FGF14: variants seen among roughly 807,000 people sequenced by gnomAD.
FGF14 encodes the protein fibroblast growth factor 14.
A neutral mutation model predicts 25.5 loss-of-function variants in FGF14; 5 were observed. The observed-to-expected ratio is 0.20, with a 90% confidence interval of 0.10 to 0.41. The LOEUF (loss-of-function observed/expected upper bound fraction) is 0.41. Ranked by LOEUF, FGF14 falls within the 10% of genes least tolerant of loss-of-function variation. The pLI is 1.00. For synonymous variants in FGF14, 138 were observed against 118.3 expected (o/e 1.17, Z -1.08); for missense variants, 222 against 320.1 (o/e 0.69, Z 2.34).
rs907669170 is a variant in FGF14, at chr13:101,806,470, GA to G, written c.408+62254del. Reference sequence around the variant, plus strand: ...AAAAATATATGTATATGTACATTGAGAAAATTTTTTTTTTTGTTTTCATTCC... The same window carrying G: ...AAAAATATATGTATATGTACATTGAGAAATTTTTTTTTTTGTTTTCATTCC... On this transcript the variant is annotated intron_variant, in intron 3 of 4. Transcript: ENST00000376143. 3.7e-4 allele frequency among the ~76,000 whole-genome samples: 54 copies of G among 147,916 alleles called. 1 individual carries two copies. The highest frequency in any genetic ancestry group is 1.0e-3 in the African/African-American group (41 of 40,312).
Position 101,715,388 on chromosome 13 carries a change from A to T in FGF14, c.*7443T>A. 5.0e-6 allele frequency: 3 copies of T among 600,254 alleles called. No individual in the cohort carries two copies. The highest frequency in any genetic ancestry group is 9.0e-6 in the Non-Finnish European group (3 of 333,806). The allele number at this position is 600,254 out of a possible 1,614,324, so 37.2% of individuals were successfully genotyped here. ...ATAAATGCCACTAATTGTTTGAAAG[A>T]TTAGATGTCTCGCAGCTGCTTAATA... is the stretch of plus-strand genomic sequence containing the variant. On this transcript the variant is annotated 3_prime_UTR_variant, in exon 5 of 5. Coordinates refer to ENST00000376143, the MANE Select transcript of FGF14 (RefSeq NM_004115.4).
chr13:101,727,817 C>T (rs7336528), intron 3 of FGF14, among the ~76,000 whole-genome samples: 1 of 151,872 alleles, frequency 6.6e-6, no homozygotes, highest in African/African-American at 2.4e-5. Context: ...AGGTCCAACA[C>T]TGTGCTATTC....
At chr13:102,342,916 T>C (rs930898100) in intron 1 of FGF14, among the ~76,000 whole-genome samples, 1 of 152,126 alleles carries the variant, frequency 6.6e-6, no homozygotes, top group African/African-American at 2.4e-5. Flanking sequence ...ATATAAGTAT[T>C]TGAGTAAGAA....
intron 3 of FGF14, among the ~76,000 whole-genome samples, chr13:101,748,748 A>T (rs1417666176): frequency 4.4e-4 from 2 of 4,536 alleles, no homozygotes; most frequent in Non-Finnish European, 1.5e-3. Flanking sequence ...GGAGGTTTCT[A>T]AAAAAAAAAA....
chr13:102,017,774 CCTCT>C (rs941725502), intron 1 of FGF14, among the ~76,000 whole-genome samples: 1 of 151,996 alleles, frequency 6.6e-6, no homozygotes, highest in Non-Finnish European at 1.5e-5. Context: ...CTGGATCTAT[CCTCT>C]CTATCTCTTT....
In FGF14 at chr13:102,161,144, A is replaced by G. The variant is rs16959858; in HGVS notation, c.208+240327T>C. 4.1e-3 allele frequency among the ~76,000 whole-genome samples: 622 copies of G among 152,342 alleles called. 7 individuals are homozygous for G. Among genetic ancestry groups the G allele is most frequent in the African/African-American group, 0.013 (549 of 41,582 alleles). On this transcript the variant is annotated intron_variant, in intron 1 of 4. Coordinates refer to the FGF14 transcript ENST00000376131. ...GTTTCTCATAAAATTTACATGGATC[A>G]TTAATGTGAAAATATCTACAATGTA...
chr13:102,201,163 C>T (rs796406629), intron 1 of FGF14, among the ~76,000 whole-genome samples: 1 of 145,796 alleles, frequency 6.9e-6, no homozygotes, highest in South Asian at 2.2e-4. Context: ...TCAAAAGTCT[C>T]CTCAGGAACA....
At position 102,032,222 on chromosome 13, in the gene FGF14, C is replaced by A. The variant is rs185515864; in HGVS notation, c.209-156926G>T. ...ATTACTGAAATGCAACTGCTTTCAG[C>A]CTTTTCTCTCCACTACCCACTAAAT... On this transcript the variant is annotated intron_variant, in intron 1 of 4. Coordinates refer to the FGF14 transcript ENST00000376131. Among the ~76,000 whole-genome samples, 6 of 152,242 alleles carry A rather than the reference C, an allele frequency of 3.9e-5. No individual in the cohort carries two copies. In the East Asian group the frequency reaches 1.2e-3, roughly 30 times the overall value.
intron 1 of FGF14, among the ~76,000 whole-genome samples, chr13:102,355,308 C>T (rs899422214): frequency 1.3e-5 from 2 of 152,072 alleles, no homozygotes; most frequent in South Asian, 4.1e-4. Flanking sequence ...GAAATTTGCA[C>T]AACCATTATA....
At chr13:101,996,215 A>G (rs1332206568) in intron 1 of FGF14, among the ~76,000 whole-genome samples, 1 of 152,240 alleles carries the variant, frequency 6.6e-6, no homozygotes, top group East Asian at 1.9e-4. Flanking sequence ...TGTGTTTTGA[A>G]TAGGTACAAA....
chr13:101,867,934 A>ACG lies in FGF14; in HGVS notation c.408+789_408+790dup, dbSNP rs1403038685. ...CACACACACACACACACACACACACACGCGCACACACACAATATGTGTATA... is the reference window on the plus strand; with the variant it reads ...CACACACACACACACACACACACACACGCGCGCACACACACAATATGTGTATA... On this transcript the variant is annotated intron_variant, in intron 3 of 4. Coordinates refer to ENST00000376143, the MANE Select transcript of FGF14 (RefSeq NM_004115.4). Among the ~76,000 whole-genome samples the ACG allele has an allele frequency of 1.4e-3, 189 of 133,876 alleles. 2 individuals carry two copies. Among genetic ancestry groups the ACG allele is most frequent in the Middle Eastern group, 3.5e-3 (1 of 282 alleles). 87.8% of individuals were successfully genotyped at this position (133,876 alleles called of 152,430 possible). A position where few individuals can be genotyped will look rare whatever the true frequency, so the allele number is the denominator to read the frequency against.
At chr13:101,926,091 T>C (rs2034342226) in intron 1 of FGF14, among the ~76,000 whole-genome samples, 1 of 152,150 alleles carries the variant, frequency 6.6e-6, no homozygotes, top group African/African-American at 2.4e-5. Context: ...CTTAACTTAA[T>C]CACATCTGCA....
intron 1 of FGF14, among the ~76,000 whole-genome samples, chr13:102,078,989 G>A (rs2043493901): frequency 6.6e-6 from 1 of 152,120 alleles, no homozygotes; most frequent in Admixed American, 6.5e-5. Context: ...TATAGAAATG[G>A]TCAGGAAGAA....
rs974920655 is a variant in FGF14 at position 101,831,630 on chromosome 13, C to T, written c.408+37095G>A. 2.6e-5 allele frequency among the ~76,000 whole-genome samples: 4 copies of T among 152,162 alleles called. No individual in the cohort carries two copies. The East Asian group carries it at 7.8e-4, about 30-fold the overall frequency. On this transcript the variant is annotated intron_variant, in intron 3 of 4. Transcript: ENST00000376143. The stretch of plus-strand genomic sequence containing the variant: ...ATGGCTTTGTTGTCTCAAGAATTTT[C>T]TAAATTTGAGAATTCATTATTCACT...
chr13:102,020,366 T>C (rs1475897490), intron 1 of FGF14, among the ~76,000 whole-genome samples: 2 of 151,876 alleles, frequency 1.3e-5, no homozygotes, highest in Non-Finnish European at 2.9e-5. Context: ...CTGACCAACA[T>C]GGTGAAACCC....
intron 1 of FGF14, among the ~76,000 whole-genome samples, chr13:102,014,865 T>C (rs962112418): frequency 2.0e-5 from 3 of 152,166 alleles, no homozygotes; most frequent in Non-Finnish European, 2.9e-5. Context: ...GTGTAAAATA[T>C]GGTTGAAGTC....
chr13:101,726,210 T>C (rs1486637018), intron 4 of FGF14, among the ~76,000 whole-genome samples: 1 of 152,114 alleles, frequency 6.6e-6, no homozygotes, highest in Non-Finnish European at 1.5e-5. Flanking sequence ...TACTTTTGAT[T>C]CCACGCTCAA....
At chr13:101,840,727 A>G (rs1281762017) in intron 3 of FGF14, among the ~76,000 whole-genome samples, 1 of 151,992 alleles carries the variant, frequency 6.6e-6, no homozygotes, top group Non-Finnish European at 1.5e-5. Flanking sequence ...GCATGCACAC[A>G]TAACAGAGCC....
chr13:102,051,926 A>T (rs1484721754), intron 1 of FGF14, among the ~76,000 whole-genome samples: 2 of 152,200 alleles, frequency 1.3e-5, no homozygotes, highest in East Asian at 3.9e-4. Flanking sequence ...AGAAATGGAG[A>T]TATATTAAAT....
Sources: allele counts gnomAD v4.1 joint callset (sites outside exome capture counted in the v4.1 genomes callset), GRCh38; gene constraint gnomAD v4.1.1; transcripts MANE v1.5; gene names NCBI Gene and HGNC (gene_info 2026-07-23, HGNC 2026-07-21).